Variants in SLC17A1 observed in about 807,000 individuals in gnomAD.
The protein encoded by SLC17A1 is sodium-dependent phosphate transport protein 1.
A neutral mutation model predicts 53.5 loss-of-function variants in SLC17A1; 51 were observed. The observed-to-expected ratio is 0.95, with a 90% CI of 0.76 to 1.20. The LOEUF (loss-of-function observed/expected upper bound fraction) is 1.20, where lower values mean the gene tolerates loss of function less well. Ranked by LOEUF, SLC17A1 falls within the 50% of genes most tolerant of loss-of-function variation. The pLI is 0.00. For synonymous variants in SLC17A1, 179 were observed against 198.8 expected, an observed-to-expected ratio of 0.90 and a Z score of 0.84; for missense variants, 538 against 568.2, an observed-to-expected ratio of 0.95 and a Z score of 0.54.
At chr6:25,779,294 C>A, downstream of SLC17A1, 1 of 1,474,308 alleles carries the variant, frequency 6.8e-7, no homozygotes, top group Non-Finnish European at 9.2e-7. Flanking sequence ...TAGCTAGACC[C>A]TGACTATGTA....
Position 25,819,831 on chromosome 6 carries a change from C to A in SLC17A1, c.292G>T (p.Val98Phe). The change falls in exon 4 of 13, where the codon GTT (valine) becomes TTT (phenylalanine). Residue 98 changes from valine to phenylalanine, a missense_variant. Val to Phe is a conservative substitution (Grantham distance 50, BLOSUM62 -1). Coordinates refer to ENST00000244527, the MANE Select transcript of SLC17A1 (RefSeq NM_005074.5). ...GAATATATTCCAGAGAAGTATCCAA[C>A]AGGAACTTGGATGATGATGACACCA... ...SYGVIIIQVP[V>F]GYFSGIYSTK... is the part of the protein sequence containing the mutation. The A allele has an allele frequency of 6.2e-7, 1 of 1,613,972 alleles. No homozygotes were observed. The highest frequency in any genetic ancestry group is 8.5e-7 in the Non-Finnish European group (1 of 1,179,880).
At chr6:25,731,963 AAC>A in the SLC17A1 span, 1 of 1,597,144 alleles carries the variant, frequency 6.3e-7, no homozygotes, top group Non-Finnish European at 8.5e-7. Flanking sequence ...AAATGTCACT[AAC>A]AAAAGAATTC....
the SLC17A1 span, among the ~76,000 whole-genome samples, chr6:25,749,113 A>G: frequency 2.0e-5 from 3 of 152,216 alleles, no homozygotes; most frequent in Non-Finnish European, 4.4e-5. Flanking sequence ...CCACGAGGCC[A>G]TATTTCAGAC....
chr6:25,763,219 C>G, the SLC17A1 span, among the ~76,000 whole-genome samples: 18 of 152,316 alleles, frequency 1.2e-4, no homozygotes, highest in African/African-American at 3.8e-4. Flanking sequence ...CTGGTGACCA[C>G]TCCAGGCTAT....
chr6:25,747,136 T>G, the SLC17A1 span, among the ~76,000 whole-genome samples: 1 of 152,212 alleles, frequency 6.6e-6, no homozygotes, highest in Non-Finnish European at 1.5e-5. Context: ...GTGGATCTAC[T>G]TTAGCACCTC....
chr6:25,748,872 C>T, the SLC17A1 span, among the ~76,000 whole-genome samples: 1 of 152,232 alleles, frequency 6.6e-6, no homozygotes, highest in Admixed American at 6.5e-5. Context: ...AACAAAGCAG[C>T]ATTGCTGCCA....
chr6:25,770,148 C>A, the SLC17A1 span: 2 of 1,613,998 alleles, frequency 1.2e-6, no homozygotes, highest in Non-Finnish European at 1.7e-6. Context: ...GGCTCCAATC[C>A]CCAGTGGCTA....
At chr6:25,770,859 T>C in the SLC17A1 span, 1 of 1,237,108 alleles carries the variant, frequency 8.1e-7, no homozygotes, top group East Asian at 2.3e-5. Context: ...AACTCAGCAT[T>C]GTAGAAAGCA....
At chr6:25,763,934 G>A in the SLC17A1 span, among the ~76,000 whole-genome samples, 2 of 152,230 alleles carry the variant, frequency 1.3e-5, no homozygotes, top group African/African-American at 4.8e-5. Context: ...GAAGAAAGAA[G>A]ATTAATATAG....
At chr6:25,727,106 C>T in the SLC17A1 span, 482,990 of 1,613,964 alleles carry the variant, frequency 0.3, 80,186 homozygotes, top group East Asian at 0.71. Context: ...TTATGAATTC[C>T]TTCGTCACTG....
intron 6 of SLC17A1, among the ~76,000 whole-genome samples, chr6:25,815,044 T>C (rs527901303): frequency 2.0e-3 from 294 of 148,124 alleles, no homozygotes; most frequent in Middle Eastern, 3.6e-3. Flanking sequence ...GAATGAAATA[T>C]CTAAGAACTG....
chr6:25,794,097 A>G (rs1185139195), intron 12 of SLC17A1, among the ~76,000 whole-genome samples: 2 of 152,176 alleles, frequency 1.3e-5, no homozygotes, highest in African/African-American at 4.8e-5. Context: ...GAGTTGACCA[A>G]TCAAAATTCA....
At chr6:25,830,446 A>C (rs1459956862) in intron 2 of SLC17A1, 78 bp downstream of exon 2, 12 of 1,152,274 alleles carry the variant, frequency 1.0e-5, no homozygotes, top group African/African-American at 1.5e-5. Context: ...TATCACAAAA[A>C]TATTCTTCCA....
the SLC17A1 span, among the ~76,000 whole-genome samples, chr6:25,775,453 T>A: frequency 6.6e-6 from 1 of 152,208 alleles, no homozygotes; most frequent in East Asian, 1.9e-4. Context: ...TTCTTTCTTT[T>A]GAGACAACGT....
chr6:25,771,578 GA>G, the SLC17A1 span, among the ~76,000 whole-genome samples: 108,355 of 148,824 alleles, frequency 0.73, 43,274 homozygotes, highest in East Asian at 0.94. Context: ...TGTCTCAAGA[GA>G]AAAAAAAAAA....
chr6:25,726,970 T>G, the SLC17A1 span: 1 of 1,614,180 alleles, frequency 6.2e-7, no homozygotes, highest in Non-Finnish European at 8.5e-7. Context: ...AAAGCTGTCG[T>G]TAAGACCCAG....
chr6:25,725,960 G>T, the SLC17A1 span, among the ~76,000 whole-genome samples: 4 of 152,140 alleles, frequency 2.6e-5, no homozygotes, highest in Admixed American at 2.6e-4. Context: ...TTCAGTCCCC[G>T]TACATTCCCG....
intron 12 of SLC17A1, among the ~76,000 whole-genome samples, chr6:25,794,186 G>A (rs1432647797): frequency 6.6e-6 from 1 of 152,118 alleles, no homozygotes; most frequent in African/African-American, 2.4e-5. Flanking sequence ...ACCTGGGAGG[G>A]AACTTTCTCT....
chr6:25,829,114 A>G (rs1349591574), intron 2 of SLC17A1, among the ~76,000 whole-genome samples: 3 of 152,164 alleles, frequency 2.0e-5, no homozygotes, highest in African/African-American at 7.2e-5. Context: ...GCCTCAAAAC[A>G]TAAGTTGGGC....
Sources: gnomAD v4.1 joint callset for allele counts (sites outside exome capture counted in the v4.1 genomes callset) on GRCh38, gnomAD v4.1.1 for gene constraint, MANE v1.5 for transcripts, NCBI Gene and HGNC (gene_info 2026-07-23, HGNC 2026-07-21) for gene names.